Variants in TMCO4 observed in about 807,000 individuals in gnomAD.
The protein encoded by TMCO4 is transmembrane and coiled-coil domain-containing protein 4.
Under a neutral mutation model 64.7 loss-of-function variants are expected in TMCO4, and 58 were observed. The observed-to-expected ratio is 0.90, with a 90% CI of 0.73 to 1.12. The LOEUF (loss-of-function observed/expected upper bound fraction) is 1.12, where lower values mean the gene tolerates loss of function less well. Among genes scored for constraint, TMCO4 ranks in the 50% most tolerant of loss-of-function variants. TMCO4 has a pLI of 0.00. For missense variants in TMCO4, 780 were observed against 825.9 expected (o/e 0.94, Z 0.68); for synonymous variants, 325 against 346.1 (o/e 0.94, Z 0.68).
At chr1:19,689,586 G>A (rs1251389936) in intron 15 of TMCO4, among the ~76,000 whole-genome samples, 6 of 152,258 alleles carry the variant, frequency 3.9e-5, no homozygotes, top group African/African-American at 1.4e-4. Context: ...ACCAGTGGCA[G>A]AGCCAGGATT....
intron 13 of TMCO4, among the ~76,000 whole-genome samples, chr1:19,705,655 C>G (rs1181632016): frequency 6.6e-6 from 1 of 151,930 alleles, no homozygotes; most frequent in Non-Finnish European, 1.5e-5. Context: ...TTGCCTTAGA[C>G]CCACCCAAGG....
intron 7 of TMCO4, among the ~76,000 whole-genome samples, chr1:19,754,686 C>A (rs1404042723): frequency 6.6e-6 from 1 of 152,116 alleles, no homozygotes; most frequent in Non-Finnish European, 1.5e-5. Context: ...AAGCGTTCTG[C>A]AAAGAGCTGA....
chr1:19,719,647 G>T (rs779497780), intron 13 of TMCO4, among the ~76,000 whole-genome samples: 1 of 152,042 alleles, frequency 6.6e-6, no homozygotes, highest in Non-Finnish European at 1.5e-5. Context: ...TCTGGACTCA[G>T]TCTCCCAAGC....
intron 2 of TMCO4, among the ~76,000 whole-genome samples, chr1:19,797,256 C>A (rs906922806): frequency 1.3e-5 from 2 of 152,090 alleles, no homozygotes; most frequent in Non-Finnish European, 2.9e-5. Flanking sequence ...GGAATTAATC[C>A]CAGCAATGAG....
chr1:19,739,783 C>T (rs1207424886), intron 12 of TMCO4, 41 bp downstream of exon 12: 2 of 1,598,680 alleles, frequency 1.3e-6, no homozygotes, highest in Non-Finnish European at 1.7e-6. Flanking sequence ...CTGACTTCCC[C>T]TCTTGCTCAA....
At chr1:19,693,941 G>A (rs1192043883) in intron 15 of TMCO4, among the ~76,000 whole-genome samples, 1 of 152,206 alleles carries the variant, frequency 6.6e-6, no homozygotes, top group African/African-American at 2.4e-5. Flanking sequence ...AGGAGCAAGA[G>A]TGAGGGCTCT....
intron 2 of TMCO4, among the ~76,000 whole-genome samples, chr1:19,787,625 G>A (rs984619999): frequency 2.0e-5 from 3 of 152,220 alleles, no homozygotes; most frequent in Admixed American, 6.5e-5. Flanking sequence ...GGGGAAGGGA[G>A]ATGGAGGAAG....
chr1:19,710,675 C>T (rs1400198979), intron 13 of TMCO4, among the ~76,000 whole-genome samples: 1 of 152,142 alleles, frequency 6.6e-6, no homozygotes. Context: ...CTCTCCTGTC[C>T]CACTTCCCTT....
At chr1:19,794,773 A>T (rs2044221155) in intron 2 of TMCO4, among the ~76,000 whole-genome samples, 1 of 152,256 alleles carries the variant, frequency 6.6e-6, no homozygotes, top group Non-Finnish European at 1.5e-5. Flanking sequence ...GAATAGATCA[A>T]CAAAATATGA....
At chr1:19,684,834 T>A (rs2095133932) in intron 15 of TMCO4, among the ~76,000 whole-genome samples, 2 of 152,162 alleles carry the variant, frequency 1.3e-5, no homozygotes. Flanking sequence ...TTCCCTCATG[T>A]CCTCTTTCCT....
At chr1:19,763,328 G>A (rs1030944816) in intron 6 of TMCO4, among the ~76,000 whole-genome samples, 1 of 152,128 alleles carries the variant, frequency 6.6e-6, no homozygotes, top group Non-Finnish European at 1.5e-5. Context: ...TGCCTGCCTC[G>A]GCCTCCCAAG....
chr1:19,728,740 CTGGGGT>C (rs1380867187), intron 13 of TMCO4, among the ~76,000 whole-genome samples: 26 of 152,232 alleles, frequency 1.7e-4, no homozygotes, highest in Non-Finnish European at 2.8e-4. Flanking sequence ...CCATCCAACA[CTGGGGT>C]TCTCACCCAA....
At chr1:19,779,130 T>G (rs2101061800) in intron 4 of TMCO4, among the ~76,000 whole-genome samples, 1 of 152,192 alleles carries the variant, frequency 6.6e-6, no homozygotes, top group Non-Finnish European at 1.5e-5. Flanking sequence ...GACCACTGAG[T>G]GTATGTGGGG....
intron 13 of TMCO4, among the ~76,000 whole-genome samples, chr1:19,703,284 T>C (rs1345781532): frequency 6.6e-6 from 1 of 152,212 alleles, no homozygotes; most frequent in Non-Finnish European, 1.5e-5. Context: ...AGGATGATGA[T>C]GCTGGCCTTA....
At chr1:19,690,599 G>T (rs939833664) in intron 15 of TMCO4, among the ~76,000 whole-genome samples, 28 of 152,182 alleles carry the variant, frequency 1.8e-4, no homozygotes, top group Admixed American at 1.4e-3. Flanking sequence ...AGTAGATGGG[G>T]TGCCCCTGCT....
chr1:19,736,582 G>A (rs1025284672), intron 13 of TMCO4, among the ~76,000 whole-genome samples: 1 of 152,180 alleles, frequency 6.6e-6, no homozygotes, highest in South Asian at 2.1e-4. Flanking sequence ...CCCCAGGCTC[G>A]GCAACTCACT....
rs971687260 is a variant in TMCO4, at chr1:19,682,784, T to A, written c.*256A>T. ...ACTCTAACCTGTGCTTGGTTGACTC[T>A]GCAGGTCTCTGATGAGGGGGCAGCT... On this transcript the variant is annotated 3_prime_UTR_variant, in exon 16 of 16. Transcript: ENST00000294543. The A allele has an allele frequency of 3.6e-5, 26 of 717,858 alleles. No homozygotes were observed. The highest frequency in any genetic ancestry group is 6.0e-5 in the Non-Finnish European group (23 of 386,146). 44.5% of individuals were successfully genotyped at this position (717,858 alleles called of 1,614,324 possible).
intron 15 of TMCO4, among the ~76,000 whole-genome samples, chr1:19,687,019 T>C (rs575248935): frequency 6.6e-6 from 1 of 152,256 alleles, no homozygotes; most frequent in South Asian, 2.1e-4. Context: ...TGGCATGATC[T>C]TGGATTACTG....
In TMCO4 at chr1:19,687,301, G is replaced by A. The variant is rs143481639; in HGVS notation, c.1501-3857C>T. 2.0e-5 allele frequency among the ~76,000 whole-genome samples: 3 copies of A among 152,220 alleles called. No individual in the cohort carries two copies. The East Asian group carries it at 5.8e-4, about 29-fold the overall frequency. ...GGGGACTTCTTATGTTCTCCAGGCT[G>A]GTCTCAAACTCCTGGGCTCAAGAGA... is the stretch of plus-strand genomic sequence containing the variant. On this transcript the variant is annotated intron_variant, in intron 15 of 15. Coordinates refer to ENST00000294543, the MANE Select transcript of TMCO4 (RefSeq NM_181719.7).
Sources: allele counts gnomAD v4.1 joint callset (sites outside exome capture counted in the v4.1 genomes callset), GRCh38; gene constraint gnomAD v4.1.1; transcripts MANE v1.5; gene names NCBI Gene and HGNC (gene_info 2026-07-23, HGNC 2026-07-21).